Variants in P4HA3 observed in about 807,000 individuals in gnomAD.
The protein encoded by P4HA3 is prolyl 4-hydroxylase subunit alpha 3, also known as prolyl 4-hydroxylase subunit alpha-3.
A neutral mutation model predicts 66.7 loss-of-function variants in P4HA3; 60 were observed. The observed-to-expected ratio is 0.90, with a 90% CI of 0.73 to 1.12. The LOEUF (loss-of-function observed/expected upper bound fraction) is 1.12, where lower values mean the gene tolerates loss of function less well. Ranked by LOEUF, P4HA3 falls within the 50% of genes most tolerant of loss-of-function variation. P4HA3 has a pLI of 0.00. For missense variants in P4HA3, 683 were observed against 685.8 expected, an observed-to-expected ratio of 1.00 and a Z score of 0.05; for synonymous variants, 263 against 274.6, an observed-to-expected ratio of 0.96 and a Z score of 0.42.
intron 15 of P4HA3, among the ~76,000 whole-genome samples, chr11:74,259,044 G>A (rs1265678003): frequency 2.6e-5 from 4 of 152,112 alleles, no homozygotes; most frequent in Admixed American, 6.5e-5. Context: ...AGTGGAAGCC[G>A]GTGTGCCCCT....
At chr11:74,260,834 A>G (rs888651350) in intron 14 of P4HA3, among the ~76,000 whole-genome samples, 2 of 152,200 alleles carry the variant, frequency 1.3e-5, no homozygotes, top group African/African-American at 2.4e-5. Flanking sequence ...ATATGCACAT[A>G]TGGACCTCCT....
chr11:74,274,205 C>T (rs554538874), intron 9 of P4HA3, among the ~76,000 whole-genome samples: 1 of 152,220 alleles, frequency 6.6e-6, no homozygotes, highest in Admixed American at 6.5e-5. Context: ...TATCTGCTTT[C>T]TCTCTATAGC....
intron 4 of P4HA3, among the ~76,000 whole-genome samples, chr11:74,297,010 C>T (rs1026365988): frequency 1.3e-5 from 2 of 150,580 alleles, no homozygotes; most frequent in Non-Finnish European, 2.9e-5. Flanking sequence ...CTGCTCACCA[C>T]AACTTCCACC....
At chr11:74,259,111 A>T (rs940036341) in intron 15 of P4HA3, among the ~76,000 whole-genome samples, 4 of 152,160 alleles carry the variant, frequency 2.6e-5, no homozygotes, top group Admixed American at 2.0e-4. Context: ...TTCTCAAAAA[A>T]CTTTTGGCTG....
chr11:74,293,439 C>T (rs560562438), intron 4 of P4HA3, among the ~76,000 whole-genome samples: 1 of 152,292 alleles, frequency 6.6e-6, no homozygotes, highest in East Asian at 1.9e-4. Context: ...GCATTTAGCC[C>T]ATTTACATTT....
chr11:74,293,271 C>T (rs1288872425), intron 4 of P4HA3, among the ~76,000 whole-genome samples: 4 of 151,998 alleles, frequency 2.6e-5, no homozygotes, highest in Non-Finnish European at 5.9e-5. Context: ...ATTGCAACCC[C>T]TGCCTTTTTT....
chr11:74,276,968 A>T lies in P4HA3; in HGVS notation c.1335+17T>A. Reference sequence around the variant, plus strand: ...GGCTCCCTACCCCAGGGGATTGGTCATTGACTCCACCATTACCGTAGCATG... The same window carrying T: ...GGCTCCCTACCCCAGGGGATTGGTCTTTGACTCCACCATTACCGTAGCATG... On this transcript the variant is annotated intron_variant, in intron 9 of 12. Transcript: ENST00000331597. The T allele has an allele frequency of 6.2e-7, 1 of 1,606,578 alleles. No individual in the cohort carries two copies.
chr11:74,298,618 G>T (rs552873614), intron 3 of P4HA3, among the ~76,000 whole-genome samples: 15 of 152,316 alleles, frequency 9.8e-5, no homozygotes, highest in Admixed American at 2.0e-4. Context: ...TCTAATTTGG[G>T]ACAGAATATC....
At chr11:74,255,192 T>C (rs1859804690) in intron 15 of P4HA3, among the ~76,000 whole-genome samples, 1 of 152,212 alleles carries the variant, frequency 6.6e-6, no homozygotes, top group African/African-American at 2.4e-5. Flanking sequence ...CCTGGCTCAA[T>C]AAGTGATAGG....
intron 15 of P4HA3, among the ~76,000 whole-genome samples, chr11:74,257,875 T>C (rs1015039036): frequency 1.7e-4 from 26 of 151,420 alleles, no homozygotes; most frequent in African/African-American, 6.3e-4. Flanking sequence ...ATTTTGGAGG[T>C]GGAATGAACA....
intron 3 of P4HA3, among the ~76,000 whole-genome samples, chr11:74,299,766 AG>A (rs981994411): frequency 2.0e-5 from 3 of 152,112 alleles, no homozygotes; most frequent in African/African-American, 7.2e-5. Flanking sequence ...GATGTTCCCT[AG>A]GATGGGGGTG....
At chr11:74,286,456 A>T in intron 5 of P4HA3, 65 bp from the exon 6 acceptor site, 1 of 1,431,434 alleles carries the variant, frequency 7.0e-7, no homozygotes, top group Non-Finnish European at 9.3e-7. Flanking sequence ...AGGGAGTGCC[A>T]CCAAGGTTTC....
At chr11:74,273,443 C>T in intron 10 of P4HA3, 102 bp downstream of exon 10, 2 of 1,084,094 alleles carry the variant, frequency 1.8e-6, no homozygotes, top group Admixed American at 6.7e-5. Flanking sequence ...GATTTTTGCG[C>T]TGAGTACCAG....
chr11:74,279,062 G>T (rs546721475), intron 8 of P4HA3, among the ~76,000 whole-genome samples: 1 of 152,338 alleles, frequency 6.6e-6, no homozygotes, highest in Non-Finnish European at 1.5e-5. Context: ...ATCTTGTAAA[G>T]TTAAATTACA....
At chr11:74,277,844 C>G (rs1565408710) in intron 8 of P4HA3, among the ~76,000 whole-genome samples, 2 of 152,168 alleles carry the variant, frequency 1.3e-5, no homozygotes, top group African/African-American at 4.8e-5. Context: ...GCCAGTGGGT[C>G]TCCTGGGGAG....
chr11:74,251,014 A>C, intron 15 of P4HA3: 3 of 1,594,876 alleles, frequency 1.9e-6, no homozygotes, highest in African/African-American at 1.3e-5. Flanking sequence ...GATGCCCCTG[A>C]CAAGGTGAGT....
At chr11:74,285,634 G>T in intron 7 of P4HA3, 175 bp downstream of exon 7, 1 of 626,362 alleles carries the variant, frequency 1.6e-6, no homozygotes, top group Non-Finnish European at 2.7e-6. Context: ...CCCTCTAGAG[G>T]CAAGCACTAT....
chr11:74,256,086 G>C, intron 15 of P4HA3: 1 of 396,854 alleles, frequency 2.5e-6, no homozygotes, highest in Non-Finnish European at 5.2e-6. Flanking sequence ...GCAACTCTAT[G>C]AGGTAGGTGC....
At chr11:74,275,388 G>A (rs1860359637) in intron 9 of P4HA3, among the ~76,000 whole-genome samples, 1 of 152,112 alleles carries the variant, frequency 6.6e-6, no homozygotes, top group Non-Finnish European at 1.5e-5. Flanking sequence ...TTATTATTTT[G>A]CAGATAGATA....
Sources: allele counts gnomAD v4.1 joint callset (sites outside exome capture counted in the v4.1 genomes callset), GRCh38; gene constraint gnomAD v4.1.1; transcripts MANE v1.5; gene names NCBI Gene and HGNC (gene_info 2026-07-23, HGNC 2026-07-21).